LHFPL4: variants seen among roughly 807,000 people sequenced by gnomAD.
LHFPL4 encodes LHFPL tetraspan subfamily member 4 protein.
A neutral mutation model predicts 20.0 loss-of-function variants in LHFPL4; 6 were observed. The ratio of observed to expected loss-of-function variants is 0.30; its 90% CI spans 0.16 to 0.59. The LOEUF (loss-of-function observed/expected upper bound fraction) is 0.59, where lower values mean the gene tolerates loss of function less well. Ranked by LOEUF, LHFPL4 falls within the 20% of genes least tolerant of loss-of-function variation. The probability of loss-of-function intolerance (pLI) is 0.88; values close to 1 mark genes in which losing one functional copy is unlikely to be tolerated. For missense variants in LHFPL4, 215 were observed against 331.2 expected, an observed-to-expected ratio of 0.65 and a Z score of 2.72; for synonymous variants, 129 against 143.8, an observed-to-expected ratio of 0.90 and a Z score of 0.74.
At chr3:9,516,781 CTTT>C (rs574431292) in intron 2 of LHFPL4, among the ~76,000 whole-genome samples, 31,880 of 111,170 alleles carry the variant, frequency 0.29, 4,282 homozygotes, top group Non-Finnish European at 0.35. Flanking sequence ...GCCACACAAT[CTTT>C]TTTTTTTTTT....
chr3:9,534,739 T>C (rs1009189870), intron 2 of LHFPL4, among the ~76,000 whole-genome samples: 1 of 152,132 alleles, frequency 6.6e-6, no homozygotes, highest in African/African-American at 2.4e-5. Flanking sequence ...ATGAAATAAT[T>C]AAAGCAGCAA....
chr3:9,543,286 G>A (rs1289868633), intron 2 of LHFPL4, among the ~76,000 whole-genome samples: 3 of 151,944 alleles, frequency 2.0e-5, no homozygotes, highest in South Asian at 4.1e-4. Flanking sequence ...CGGATCACGA[G>A]GTCAGGAGAT....
intron 3 of LHFPL4, 26 bp from the exon 4 acceptor site, chr3:9,502,337 G>C: frequency 1.4e-6 from 2 of 1,405,448 alleles, no homozygotes; most frequent in African/African-American, 1.4e-5. Context: ...AGAGAGAGAA[G>C]GAGAGAGAAT....
chr3:9,519,082 C>A (rs1055278545), intron 2 of LHFPL4, among the ~76,000 whole-genome samples: 2 of 152,058 alleles, frequency 1.3e-5, no homozygotes, highest in African/African-American at 4.8e-5. Context: ...GGATTACAGG[C>A]GCATGCCACC....
At chr3:9,513,150 CG>C (rs2046272563) in intron 2 of LHFPL4, among the ~76,000 whole-genome samples, 1 of 151,980 alleles carries the variant, frequency 6.6e-6, no homozygotes, top group Non-Finnish European at 1.5e-5. Flanking sequence ...TTAGTAGAGA[CG>C]GGGTTTCACC....
Position 9,529,931 on chromosome 3 carries a change from C to CTT in LHFPL4, c.406+22341_406+22342dup, listed in dbSNP as rs77757682. ...CAGGCATGAGCCACTGTGCCTGGCT[C>CTT]TTTTTTTTTTTTTCCTATCCTGAGC... is the stretch of plus-strand genomic sequence containing the variant. On this transcript the variant is annotated intron_variant, in intron 2 of 3. Transcript: ENST00000287585. 3.6e-3 allele frequency among the ~76,000 whole-genome samples: 536 copies of CTT among 146,862 alleles called. 1 individual carries two copies. Among genetic ancestry groups the CTT allele is most frequent in the African/African-American group, 8.7e-3 (350 of 40,218 alleles).
In LHFPL4 at chr3:9,506,938, T is replaced by C. The variant is rs2046223422; in HGVS notation, c.407-735A>G. Among the ~76,000 whole-genome samples the C allele has an allele frequency of 6.6e-6, 1 of 152,186 alleles. No individual in the cohort carries two copies. The highest frequency in any genetic ancestry group is 1.5e-5 in the Non-Finnish European group (1 of 68,038). The stretch of plus-strand genomic sequence containing the variant: ...CCATCAAATGTTTATTGGGCACCAT[T>C]TTCCTTTTATTCACGATGCTAGAAT... On this transcript the variant is annotated intron_variant, in intron 2 of 3. Transcript: ENST00000287585. The surrounding 1 kb of genome is among the most constrained non-coding windows in gnomAD (Gnocchi z 4.5).
Position 9,500,600 on chromosome 3 carries a change from G to T in LHFPL4, c.*1611C>A, listed in dbSNP as rs1022216364. 6.6e-6 allele frequency: 1 copy of T among 152,264 alleles called. No homozygotes were observed. Among genetic ancestry groups the T allele is most frequent in the Non-Finnish European group, 1.5e-5 (1 of 68,124 alleles). 9.4% of individuals were successfully genotyped at this position (152,264 alleles called of 1,614,324 possible). On this transcript the variant is annotated 3_prime_UTR_variant, in exon 4 of 4. Transcript: ENST00000287585. ...CAAGTCCTGTGGAAATGAACACAAGGTTGGCAAACACATGGCGCTCAAGCG... is the reference window on the plus strand; with the variant it reads ...CAAGTCCTGTGGAAATGAACACAAGTTTGGCAAACACATGGCGCTCAAGCG...
intron 2 of LHFPL4, among the ~76,000 whole-genome samples, chr3:9,520,429 C>G (rs1400324481): frequency 2.0e-5 from 3 of 152,094 alleles, no homozygotes; most frequent in Non-Finnish European, 4.4e-5. Context: ...TCTCGGCTCA[C>G]TACAACCTCT....
intron 3 of LHFPL4, 33 bp from the exon 4 acceptor site, chr3:9,502,344 G>C: frequency 1.2e-5 from 17 of 1,432,518 alleles, no homozygotes; most frequent in Non-Finnish European, 1.7e-5. Context: ...GAAGGAGAGA[G>C]AATTAGAGAA....
At position 9,506,219 on chromosome 3, in the gene LHFPL4, C is replaced by G. The variant is rs950191148; in HGVS notation, c.407-16G>C. On this transcript the variant is annotated splice_polypyrimidine_tract_variant and intron_variant, in intron 2 of 3. Coordinates refer to ENST00000287585, the MANE Select transcript of LHFPL4 (RefSeq NM_198560.3). The surrounding 1 kb of genome is among the most constrained non-coding windows in gnomAD (Gnocchi z 4.5). Reference sequence around the variant, plus strand: ...AGGCACAGAGCTGAGGGGCAGAGCACCGGGCCCACCACCACGGTCAGGAAG... The same window carrying G: ...AGGCACAGAGCTGAGGGGCAGAGCAGCGGGCCCACCACCACGGTCAGGAAG... 1 of 1,590,114 alleles carries G rather than the reference C, an allele frequency of 6.3e-7. No homozygotes were observed. Among genetic ancestry groups the G allele is most frequent in the Non-Finnish European group, 8.6e-7 (1 of 1,158,234 alleles).
intron 2 of LHFPL4, among the ~76,000 whole-genome samples, chr3:9,530,988 C>G (rs756734026): frequency 6.6e-6 from 1 of 152,066 alleles, no homozygotes; most frequent in Non-Finnish European, 1.5e-5. Flanking sequence ...TATTAACTGG[C>G]CTAATTTCAA....
chr3:9,545,602 C>CTTT (rs2046506855), intron 2 of LHFPL4, among the ~76,000 whole-genome samples: 2 of 152,038 alleles, frequency 1.3e-5, no homozygotes. Flanking sequence ...CCCATCTCTA[C>CTTT]TAAAAAATAC....
intron 2 of LHFPL4, among the ~76,000 whole-genome samples, chr3:9,517,666 G>A (rs1312277605): frequency 2.3e-5 from 3 of 129,894 alleles, no homozygotes; most frequent in East Asian, 4.5e-4. Flanking sequence ...CAGACAGGGC[G>A]ACAGAGCTAG....
intron 2 of LHFPL4, among the ~76,000 whole-genome samples, chr3:9,521,184 CTTAAA>C: frequency 6.6e-6 from 1 of 151,080 alleles, no homozygotes; most frequent in Non-Finnish European, 1.5e-5. Context: ...TTTGCTTTGT[CTTAAA>C]TTAATATAGC....
chr3:9,551,568 T>A (rs1333982077), intron 2 of LHFPL4, among the ~76,000 whole-genome samples: 7 of 151,874 alleles, frequency 4.6e-5, no homozygotes, highest in African/African-American at 1.7e-4. Context: ...TTTCGGAGGG[T>A]CTCAGGGACT....
intron 2 of LHFPL4, among the ~76,000 whole-genome samples, chr3:9,542,554 C>A (rs531623357): frequency 6.6e-6 from 1 of 152,158 alleles, no homozygotes; most frequent in African/African-American, 2.4e-5. Context: ...CACCTGTAAT[C>A]CCATCACTTT....
At chr3:9,553,402 A>C (rs1481642742) in intron 1 of LHFPL4, among the ~76,000 whole-genome samples, 9 of 80,984 alleles carry the variant, frequency 1.1e-4, no homozygotes, top group East Asian at 3.3e-4. Flanking sequence ...GGGGCGAGGA[A>C]GGGGGGGCTG....
At chr3:9,536,788 C>A (rs1478943157) in intron 2 of LHFPL4, among the ~76,000 whole-genome samples, 1 of 151,618 alleles carries the variant, frequency 6.6e-6, no homozygotes, top group African/African-American at 2.4e-5. Flanking sequence ...ATAGTGAGAC[C>A]CTATCTCTAA....
Sources: gnomAD v4.1 joint callset for allele counts (sites outside exome capture counted in the v4.1 genomes callset) on GRCh38, gnomAD v4.1.1 for gene constraint, Gnocchi (gnomAD v3.1) non-coding constraint, MANE v1.5 for transcripts, NCBI Gene and HGNC (gene_info 2026-07-23, HGNC 2026-07-21) for gene names.